RAB3C: variants seen among roughly 807,000 people sequenced by gnomAD.
The protein encoded by RAB3C is RAB3C, member RAS oncogene family.
RAB3C carries 17 observed loss-of-function variants against 26.4 expected under a neutral mutation model. The observed-to-expected ratio is 0.64, with a 90% CI of 0.44 to 0.97. The LOEUF is 0.97. Among genes scored for constraint, RAB3C ranks in the 50% least tolerant of loss-of-function variants. The probability of loss-of-function intolerance (pLI) is 0.00; values close to 1 mark genes in which losing one functional copy is unlikely to be tolerated. For missense variants in RAB3C, 242 were observed against 281.9 expected (o/e 0.86, Z 1.01); for synonymous variants, 91 against 95.9 (o/e 0.95, Z 0.30).
Position 58,646,139 on chromosome 5 carries a change from G to A in RAB3C, c.252+28269G>A, listed in dbSNP as rs149269142. On this transcript the variant is annotated intron_variant, in intron 2 of 4. Transcript: ENST00000282878. ...TTTCTATTTTGGCTTCATTCTTTGA[G>A]TGCTAGGAAGCCTCTGGAGCACCAC... is the stretch of plus-strand genomic sequence containing the variant. Among the ~76,000 whole-genome samples the A allele has an allele frequency of 7.9e-5, 12 of 152,210 alleles. 1 individual carries two copies. The East Asian group carries it at 2.1e-3, about 27-fold the overall frequency.
intron 4 of RAB3C, among the ~76,000 whole-genome samples, chr5:58,847,854 CTTTATTTA>C (rs3060524): frequency 6.6e-6 from 1 of 151,032 alleles, no homozygotes; most frequent in Non-Finnish European, 1.5e-5. Flanking sequence ...TTTCCAGAAC[CTTTATTTA>C]TTTATTTATT....
intron 2 of RAB3C, among the ~76,000 whole-genome samples, chr5:58,627,601 A>G (rs1747087649): frequency 6.6e-6 from 1 of 151,004 alleles, no homozygotes; most frequent in Admixed American, 6.6e-5. Flanking sequence ...AAAGTACAGC[A>G]TTTTTCTAGT....
intron 2 of RAB3C, among the ~76,000 whole-genome samples, chr5:58,671,144 G>A (rs1748109975): frequency 6.6e-6 from 1 of 152,042 alleles, no homozygotes; most frequent in Admixed American, 6.6e-5. Context: ...TTGATTGCCT[G>A]TTGTTTCTTT....
rs536972040 is a variant in RAB3C, at chr5:58,686,663, CACAA to C, written c.253-39335_253-39332del. Among the ~76,000 whole-genome samples the C allele has an allele frequency of 2.5e-3, 382 of 151,210 alleles. 4 individuals are homozygous for C. The highest frequency in any genetic ancestry group is 8.7e-3 in the African/African-American group (361 of 41,406). On this transcript the variant is annotated intron_variant, in intron 2 of 4. Coordinates refer to ENST00000282878, the MANE Select transcript of RAB3C (RefSeq NM_138453.4). The stretch of plus-strand genomic sequence containing the variant: ...TCTTTCTATGTGTCTCTCTCTCACA[CACAA>C]ACACACACACATACACACACACACA...
At chr5:58,606,160 C>T (rs973063946) in intron 1 of RAB3C, among the ~76,000 whole-genome samples, 1 of 152,164 alleles carries the variant, frequency 6.6e-6, no homozygotes, top group African/African-American at 2.4e-5. Flanking sequence ...GAAGCCATGA[C>T]AGACTGTATC....
chr5:58,737,585 C>T (rs1741178367), intron 3 of RAB3C, among the ~76,000 whole-genome samples: 1 of 151,440 alleles, frequency 6.6e-6, no homozygotes, highest in Non-Finnish European at 1.5e-5. Flanking sequence ...CTAGGTATTC[C>T]ATAAATATTT....
At chr5:58,591,985 G>C (rs1439247748) in intron 1 of RAB3C, among the ~76,000 whole-genome samples, 2 of 148,184 alleles carry the variant, frequency 1.3e-5, no homozygotes, top group African/African-American at 2.5e-5. Context: ...TGCAACCTCT[G>C]CCTCCCGGGT....
At chr5:58,660,010 G>T (rs1331603811) in intron 2 of RAB3C, among the ~76,000 whole-genome samples, 1 of 152,064 alleles carries the variant, frequency 6.6e-6, no homozygotes, top group Non-Finnish European at 1.5e-5. Flanking sequence ...TGGTCATGTT[G>T]CCCAGGCTAG....
At chr5:58,590,213 G>A (rs1300416451) in intron 1 of RAB3C, among the ~76,000 whole-genome samples, 1 of 152,112 alleles carries the variant, frequency 6.6e-6, no homozygotes, top group South Asian at 2.1e-4. Flanking sequence ...TTGGTAAATT[G>A]TGTTTTTCAC....
At chr5:58,743,283 G>T (rs868529038) in intron 3 of RAB3C, among the ~76,000 whole-genome samples, 1 of 152,092 alleles carries the variant, frequency 6.6e-6, no homozygotes, top group African/African-American at 2.4e-5. Context: ...TAAGATACTA[G>T]TTCTCAATCC....
intron 3 of RAB3C, among the ~76,000 whole-genome samples, chr5:58,728,066 T>A (rs1045765818): frequency 1.3e-4 from 20 of 152,044 alleles, no homozygotes; most frequent in Admixed American, 1.2e-3. Flanking sequence ...CTACTCCATC[T>A]GCCCCAAGGC....
chr5:58,726,025 C>T lies in RAB3C; in HGVS notation c.276C>T (p.Tyr92=), dbSNP rs770634815. The T allele has an allele frequency of 6.2e-7, 1 of 1,600,510 alleles. No homozygotes were observed. The highest frequency in any genetic ancestry group is 2.2e-5 in the East Asian group (1 of 44,516). Residue 92 remains tyrosine (Y), a synonymous_variant, in exon 3 of 5, where the codon TAC becomes TAT. Coordinates refer to ENST00000282878, the MANE Select transcript of RAB3C (RefSeq NM_138453.4). ...AGGACACAGCAGGCCAGGAAAGATACAGGACTATCACCACAGCCTATTATC... is the reference window on the plus strand; with the variant it reads ...AGGACACAGCAGGCCAGGAAAGATATAGGACTATCACCACAGCCTATTATC... ...QIWDTAGQER[Y]RTITTAYYRG...
At chr5:58,831,127 T>A (rs1019731117) in intron 4 of RAB3C, among the ~76,000 whole-genome samples, 1 of 152,056 alleles carries the variant, frequency 6.6e-6, no homozygotes, top group Non-Finnish European at 1.5e-5. Context: ...ATCCTCCCAC[T>A]CTACTTTAGC....
At chr5:58,701,392 G>T (rs1164419678) in intron 2 of RAB3C, among the ~76,000 whole-genome samples, 1 of 152,096 alleles carries the variant, frequency 6.6e-6, no homozygotes, top group Non-Finnish European at 1.5e-5. Context: ...TTCTCATTCT[G>T]AAGATGAGTT....
At chr5:58,652,480 A>T (rs890256255) in intron 2 of RAB3C, among the ~76,000 whole-genome samples, 11 of 151,814 alleles carry the variant, frequency 7.2e-5, no homozygotes, top group African/African-American at 2.7e-4. Flanking sequence ...TGTCTACTAT[A>T]AAGATGAAAT....
At chr5:58,756,110 T>G (rs62366622) in intron 3 of RAB3C, among the ~76,000 whole-genome samples, 29,153 of 150,926 alleles carry the variant, frequency 0.19, 2,958 homozygotes, top group East Asian at 0.3. Context: ...ATTGTTAGCA[T>G]TTCACACAAT....
At chr5:58,761,144 C>A (rs1180178372) in intron 3 of RAB3C, among the ~76,000 whole-genome samples, 1 of 151,686 alleles carries the variant, frequency 6.6e-6, no homozygotes, top group African/African-American at 2.4e-5. Flanking sequence ...ATATCTCTGA[C>A]AAAAGCATTG....
chr5:58,786,896 C>T (rs10065350), intron 3 of RAB3C, among the ~76,000 whole-genome samples: 14,137 of 152,024 alleles, frequency 0.093, 847 homozygotes, highest in Non-Finnish European at 0.14. Context: ...CCGCATCTGC[C>T]CAGCGCGTCC....
chr5:58,638,947 A>G (rs189721324), intron 2 of RAB3C, among the ~76,000 whole-genome samples: 136 of 152,268 alleles, frequency 8.9e-4, no homozygotes, highest in African/African-American at 3.3e-3. Context: ...CAAGCACACC[A>G]TGCCTGCCTT....
Sources: allele counts gnomAD v4.1 joint callset (sites outside exome capture counted in the v4.1 genomes callset), GRCh38; gene constraint gnomAD v4.1.1; transcripts MANE v1.5; gene names NCBI Gene and HGNC (gene_info 2026-07-23, HGNC 2026-07-21).